CATSPER1: variants seen among roughly 807,000 people sequenced by gnomAD.
CATSPER1 encodes the protein cation channel sperm-associated protein 1.
Under a neutral mutation model 72.7 loss-of-function variants are expected in CATSPER1, and 57 were observed. The observed-to-expected ratio is 0.78, with a 90% CI of 0.63 to 0.98. The LOEUF is 0.98. Ranked by LOEUF, CATSPER1 falls within the 50% of genes least tolerant of loss-of-function variation. CATSPER1 has a pLI of 0.00. For synonymous variants in CATSPER1, 363 were observed against 403.0 expected (o/e 0.90, Z 1.19); for missense variants, 910 against 1,033.9 (o/e 0.88, Z 1.64).
intron 1 of CATSPER1, among the ~76,000 whole-genome samples, chr11:66,023,406 C>T (rs1344104250): frequency 6.6e-6 from 1 of 152,120 alleles, no homozygotes; most frequent in Non-Finnish European, 1.5e-5. Flanking sequence ...GGGGTGCGCT[C>T]AGGGCTGTCC....
rs778859431 is a variant in CATSPER1 at position 66,022,912 on chromosome 11, C to G, written c.1366G>C (p.Val456Leu). The G allele has an allele frequency of 3.1e-6, 5 of 1,614,088 alleles. No individual in the cohort carries two copies. Among genetic ancestry groups the G allele is most frequent in the East Asian group, 2.2e-5 (1 of 44,892 alleles). Residue 456 changes from valine (V) to leucine (L), a missense_variant, in exon 2 of 12, where the codon GTT becomes CTT. Transcript: ENST00000312106. ...AGCATGACGGTGTTGAGGCAGACAACGAAGAAGATGAAAGTTTCAAAGGCC... is the reference window on the plus strand; with the variant it reads ...AGCATGACGGTGTTGAGGCAGACAAGGAAGAAGATGAAAGTTTCAAAGGCC... ...SLAFETFIFFVVCLNTVMLVA... is the reference protein window; with the variant it reads ...SLAFETFIFFLVCLNTVMLVA...
chr11:66,022,204 G>A (rs1329158223), intron 2 of CATSPER1, among the ~76,000 whole-genome samples: 1 of 152,176 alleles, frequency 6.6e-6, no homozygotes, highest in African/African-American at 2.4e-5. Context: ...GCTGGGCATG[G>A]TGGTGGGCAC....
rs766455938 is a variant in CATSPER1, at chr11:66,020,281, C to A, written c.2064+36G>T. On this transcript the variant is annotated intron_variant, in intron 8 of 11. Coordinates refer to ENST00000312106, the MANE Select transcript of CATSPER1 (RefSeq NM_053054.4). The surrounding 1 kb of genome is among the most constrained non-coding windows in gnomAD (Gnocchi z 4.5). ...GCCCCTGGCCTCACTCCTCCAGCTT[C>A]CTGATCTGGTCCACCTGTCCCACCC... The A allele has an allele frequency of 1.2e-6, 2 of 1,614,072 alleles. No individual in the cohort carries two copies. Among genetic ancestry groups the A allele is most frequent in the Non-Finnish European group, 1.7e-6 (2 of 1,179,910 alleles).
At position 66,021,170 on chromosome 11, in the gene CATSPER1, G is replaced by T; in HGVS notation, c.1707C>A (p.Val569=). 6.2e-7 allele frequency: 1 copy of T among 1,613,092 alleles called. No homozygotes were observed. The highest frequency in any genetic ancestry group is 1.1e-5 in the South Asian group (1 of 90,788). The change falls in exon 5 of 12, where the codon GTC becomes GTA. Residue 569 remains valine, a synonymous_variant. Transcript: ENST00000312106. ...VLRRLSFLTS[V]QEVTGTLGQS... ...GGCCCAGGGTCCCTGTCACTTCCTGGACGCTGGTCAGGAAGCTGTGGGCAG... is the reference window on the plus strand; with the variant it reads ...GGCCCAGGGTCCCTGTCACTTCCTGTACGCTGGTCAGGAAGCTGTGGGCAG...
In CATSPER1 at chr11:66,020,697, C is replaced by T; in HGVS notation, c.1928-70G>A. ...CCCCCAACCACGACCTGCTCCCTTC[C>T]CATACCCGGACATGCAGGCATCAGA... On this transcript the variant is annotated intron_variant, in intron 6 of 11. Coordinates refer to ENST00000312106, the MANE Select transcript of CATSPER1 (RefSeq NM_053054.4). This position sits in a 1 kb window ranked among gnomAD's most constrained non-coding sequence, Gnocchi z 4.5. 6.3e-7 allele frequency: 1 copy of T among 1,595,314 alleles called. No homozygotes were observed. Among genetic ancestry groups the T allele is most frequent in the South Asian group, 1.1e-5 (1 of 89,920 alleles).
chr11:66,023,009 C>G lies in CATSPER1; in HGVS notation c.1269G>C (p.Gln423His). 1 of 1,614,242 alleles carries G rather than the reference C, an allele frequency of 6.2e-7. No individual in the cohort carries two copies. The highest frequency in any genetic ancestry group is 8.5e-7 in the Non-Finnish European group (1 of 1,180,054). Residue 423 changes from glutamine to histidine, a missense_variant, in exon 2 of 12, where the codon CAG becomes CAC. Gln to His is a conservative substitution (Grantham distance 24). Coordinates refer to ENST00000312106, the MANE Select transcript of CATSPER1 (RefSeq NM_053054.4). ...GGAAGGTTAGCTTTTCCCACAGCCACTGGAAGAGATTGGTAGAGTGTCCCT... is the reference window on the plus strand; with the variant it reads ...GGAAGGTTAGCTTTTCCCACAGCCAGTGGAAGAGATTGGTAGAGTGTCCCT... ...RKKGHSTNLFQWLWEKLTFLI... is the reference protein window; with the variant it reads ...RKKGHSTNLFHWLWEKLTFLI...
chr11:66,021,148 C>G lies in CATSPER1; in HGVS notation c.1729G>C (p.Gly577Arg). The change falls in exon 5 of 12, where the codon GGC becomes CGC. Residue 577 changes from glycine (G) to arginine (R), a missense_variant. Physicochemically the swap from Gly to Arg is moderately radical, Grantham distance 125. Coordinates refer to ENST00000312106, the MANE Select transcript of CATSPER1 (RefSeq NM_053054.4). ...GCTGCGATGGACGGCAAGGACTGGC[C>G]CAGGGTCCCTGTCACTTCCTGGACG... ...TSVQEVTGTL[G>R]QSLPSIAAIL... 4 of 1,613,494 alleles carry G rather than the reference C, an allele frequency of 2.5e-6. No homozygotes were observed. Among genetic ancestry groups the G allele is most frequent in the Non-Finnish European group, 3.4e-6 (4 of 1,179,840 alleles).
At chr11:66,022,364 G>T (rs1856392555) in intron 2 of CATSPER1, among the ~76,000 whole-genome samples, 1 of 152,206 alleles carries the variant, frequency 6.6e-6, no homozygotes, top group Non-Finnish European at 1.5e-5. Flanking sequence ...GGGGATAATT[G>T]AAGTCCACTT....
At position 66,022,846 on chromosome 11, in the gene CATSPER1, T is replaced by C; in HGVS notation, c.1429+3A>G. ...CATGGGAACAGGACTCCCTGGCTCT[T>C]ACCGCCCCGGATCTCGACTTCAGCG... On this transcript the variant is annotated splice_donor_region_variant and intron_variant, in intron 2 of 11. Transcript: ENST00000312106. 2.5e-6 allele frequency: 4 copies of C among 1,614,178 alleles called. No individual in the cohort carries two copies. Among genetic ancestry groups the C allele is most frequent in the Non-Finnish European group, 3.4e-6 (4 of 1,180,002 alleles).
intron 4 of CATSPER1, 53 bp from the exon 5 acceptor site, chr11:66,021,238 GTC>G: frequency 6.5e-7 from 1 of 1,535,370 alleles, no homozygotes; most frequent in Non-Finnish European, 8.9e-7. Flanking sequence ...GGGGGTGTGT[GTC>G]TCTGCCCAGC....
At position 66,026,409 on chromosome 11, in the gene CATSPER1, A is replaced by C; in HGVS notation, c.-30T>G. ...GTGCTGGGAACTCTGGAGCCAAAAG[A>C]GCTCAAGACCTGGGCCCAACAGGCC... On this transcript the variant is annotated 5_prime_UTR_variant, in exon 1 of 12. Transcript: ENST00000312106. 1 of 1,609,534 alleles carries C rather than the reference A, an allele frequency of 6.2e-7. No homozygotes were observed. The highest frequency in any genetic ancestry group is 1.7e-4 in the Middle Eastern group (1 of 6,050).
At chr11:66,017,678 C>T (rs72932605) in intron 10 of CATSPER1, among the ~76,000 whole-genome samples, 9,274 of 152,202 alleles carry the variant, frequency 0.061, 447 homozygotes, top group African/African-American at 0.14. Context: ...ACACCCTCCC[C>T]GCCATCTTGT....
Position 66,025,641 on chromosome 11 carries a change from T to C in CATSPER1, c.739A>G (p.Ile247Val). 1 of 1,613,138 alleles carries C rather than the reference T, an allele frequency of 6.2e-7. No homozygotes were observed. Among genetic ancestry groups the C allele is most frequent in the Non-Finnish European group, 8.5e-7 (1 of 1,179,706 alleles). ...HGKSPHHGET[I>V]SPHSSVGSYQ... ...GACCCCACAGAGGAATGAGGGGAAA[T>C]GGTCTCTCCGTGATGAGGAGACTTT... The change falls in exon 1 of 12, where the codon ATT becomes GTT. Residue 247 changes from isoleucine (I) to valine (V), a missense_variant. By Grantham distance (29) the Ile-to-Val change is conservative (BLOSUM62 3). Transcript: ENST00000312106.
rs139150042 is a variant in CATSPER1 at position 66,024,110 on chromosome 11, C to G, written c.1217-1049G>C. On this transcript the variant is annotated intron_variant, in intron 1 of 11. Coordinates refer to ENST00000312106, the MANE Select transcript of CATSPER1 (RefSeq NM_053054.4). Reference sequence around the variant, plus strand: ...TCCTGTGTAGCCAGGATTACAGGCACGCACCACCACACCCGGCTAATTTTT... The same window carrying G: ...TCCTGTGTAGCCAGGATTACAGGCAGGCACCACCACACCCGGCTAATTTTT... Among the ~76,000 whole-genome samples the G allele has an allele frequency of 2.6e-3, 394 of 150,994 alleles. 2 individuals are homozygous for G. The highest frequency in any genetic ancestry group is 4.6e-3 in the Non-Finnish European group (313 of 67,808).
intron 11 of CATSPER1, 48 bp downstream of exon 11, chr11:66,017,012 C>A (rs749945244): frequency 6.2e-7 from 1 of 1,612,290 alleles, no homozygotes; most frequent in African/African-American, 1.3e-5. Context: ...TGGCTACAAG[C>A]CCCTGGGGTT....
At position 66,026,050 on chromosome 11, in the gene CATSPER1, G is replaced by A. The variant is rs17853653; in HGVS notation, c.330C>T (p.Ser110=). The A allele has an allele frequency of 6.2e-7, 1 of 1,614,068 alleles. No homozygotes were observed. The highest frequency in any genetic ancestry group is 8.5e-7 in the Non-Finnish European group (1 of 1,179,976). The change falls in exon 1 of 12, where the codon TCC becomes TCT. Residue 110 remains serine, a synonymous_variant. Coordinates refer to ENST00000312106, the MANE Select transcript of CATSPER1 (RefSeq NM_053054.4). ...PSQGAVPSHR[S]YGEDYHDELQ... is the part of the protein sequence containing the mutation. ...GCTCATCATGGTAGTCCTCACCGTAGGAACGGTGGGAGGGGACGGCGCCTT... is the reference window on the plus strand; with the variant it reads ...GCTCATCATGGTAGTCCTCACCGTAAGAACGGTGGGAGGGGACGGCGCCTT...
rs1856409585 is a variant in CATSPER1 at position 66,023,031 on chromosome 11, C to G, written c.1247G>C (p.Gly416Ala). 1 of 1,614,170 alleles carries G rather than the reference C, an allele frequency of 6.2e-7. No individual in the cohort carries two copies. The highest frequency in any genetic ancestry group is 8.5e-7 in the Non-Finnish European group (1 of 1,180,040). Residue 416 changes from glycine to alanine, a missense_variant, in exon 2 of 12, where the codon GGA becomes GCA. Coordinates refer to ENST00000312106, the MANE Select transcript of CATSPER1 (RefSeq NM_053054.4). The part of the protein sequence containing the change: ...TGRLQRTRKK[G>A]HSTNLFQWLW... ...CCACTGGAAGAGATTGGTAGAGTGT[C>G]CCTTCTTGCGGGTCCGCTGGAGCCG...
At position 66,020,343 on chromosome 11, in the gene CATSPER1, T is replaced by C. The variant is rs988402907; in HGVS notation, c.2038A>G (p.Lys680Glu). Residue 680 changes from lysine to glutamate, a missense_variant, in exon 8 of 12, where the codon AAA becomes GAA. Transcript: ENST00000312106. The surrounding 1 kb of genome is among the most constrained non-coding windows in gnomAD (Gnocchi z 4.5). ...LVDSFQTALF[K>E]GLEKAKQERA... ...TCCTGCTTCGCTTTCTCAAGGCCTTTGAACAGCGCCGTCTGGAAGCTATCC... is the reference window on the plus strand; with the variant it reads ...TCCTGCTTCGCTTTCTCAAGGCCTTCGAACAGCGCCGTCTGGAAGCTATCC... The C allele has an allele frequency of 3.7e-6, 6 of 1,614,070 alleles. No individual in the cohort carries two copies. The highest frequency in any genetic ancestry group is 3.3e-5 in the Admixed American group (2 of 60,022).
chr11:66,024,606 G>A (rs556597917), intron 1 of CATSPER1, among the ~76,000 whole-genome samples: 45 of 152,228 alleles, frequency 3.0e-4, no homozygotes, highest in African/African-American at 1.1e-3. Context: ...GAACTACTAG[G>A]AAGAAAGTTT....
Sources: allele counts gnomAD v4.1 joint callset (sites outside exome capture counted in the v4.1 genomes callset), GRCh38; gene constraint gnomAD v4.1.1; non-coding constraint Gnocchi (gnomAD v3.1); transcripts MANE v1.5; gene names NCBI Gene and HGNC (gene_info 2026-07-23, HGNC 2026-07-21).